Variants in ZNF804A observed in about 807,000 individuals in gnomAD.
ZNF804A encodes zinc finger protein 804A.
Under a neutral mutation model 16.5 loss-of-function variants are expected in ZNF804A, and 2 were observed. That is an observed-to-expected ratio of 0.12 (90% CI 0.05 to 0.38). The LOEUF (loss-of-function observed/expected upper bound fraction) is 0.38. ZNF804A is among the 10% of genes least tolerant of loss of function. The probability of loss-of-function intolerance (pLI) is 0.99; values close to 1 mark genes in which losing one functional copy is unlikely to be tolerated. For missense variants in ZNF804A, 1,473 were observed against 1,390.7 expected, an observed-to-expected ratio of 1.06 and a Z score of -0.94; for synonymous variants, 534 against 489.6, an observed-to-expected ratio of 1.09 and a Z score of -1.20.
chr2:184,678,712 A>AG (rs976837834), intron 1 of ZNF804A, among the ~76,000 whole-genome samples: 2 of 152,328 alleles, frequency 1.3e-5, no homozygotes, highest in African/African-American at 4.8e-5. Flanking sequence ...CCAAGGATAA[A>AG]TGTGTTGTCA....
chr2:184,864,058 G>A (rs577955307), intron 1 of ZNF804A, among the ~76,000 whole-genome samples: 26 of 152,196 alleles, frequency 1.7e-4, no homozygotes, highest in African/African-American at 6.3e-4. Flanking sequence ...CATTTGTGTT[G>A]TTCTAAAAGA....
At position 184,638,827 on chromosome 2, in the gene ZNF804A, G is replaced by A. The variant is rs144471071; in HGVS notation, c.111+39757G>A. The stretch of plus-strand genomic sequence containing the variant: ...AATTGATGCTTACCATACACCATTC[G>A]TATTTCCAAAGGCTACATGCTCACA... On this transcript the variant is annotated intron_variant, in intron 1 of 3. Coordinates refer to ENST00000302277, the MANE Select transcript of ZNF804A (RefSeq NM_194250.2). Among the ~76,000 whole-genome samples the A allele has an allele frequency of 2.0e-4, 31 of 152,136 alleles. No individual in the cohort carries two copies. The East Asian group carries it at 3.7e-3, about 18-fold the overall frequency.
chr2:184,683,598 C>T (rs1310246391), intron 1 of ZNF804A, among the ~76,000 whole-genome samples: 1 of 151,994 alleles, frequency 6.6e-6, no homozygotes, highest in African/African-American at 2.4e-5. Context: ...GCTTCAATAG[C>T]AAGAACAGTT....
intron 2 of ZNF804A, among the ~76,000 whole-genome samples, chr2:184,867,573 G>T (rs371714859): frequency 6.6e-6 from 1 of 152,012 alleles, no homozygotes; most frequent in Non-Finnish European, 1.5e-5. Context: ...ATACTTCACC[G>T]ATTAATGCAT....
At chr2:184,614,144 A>T (rs1393465060) in intron 1 of ZNF804A, among the ~76,000 whole-genome samples, 1 of 152,188 alleles carries the variant, frequency 6.6e-6, no homozygotes, top group Non-Finnish European at 1.5e-5. Context: ...ATCTACAACC[A>T]TCTGATCTTT....
At chr2:184,666,338 T>C (rs538651259) in intron 1 of ZNF804A, among the ~76,000 whole-genome samples, 4 of 152,212 alleles carry the variant, frequency 2.6e-5, no homozygotes, top group South Asian at 2.1e-4. Flanking sequence ...AACAGATTCA[T>C]TTCAAAGCCT....
intron 3 of ZNF804A, among the ~76,000 whole-genome samples, chr2:184,934,340 G>A (rs1685751508): frequency 6.6e-6 from 1 of 152,090 alleles, no homozygotes; most frequent in South Asian, 2.1e-4. Context: ...CCAGGGCAAA[G>A]TTATTAAAAG....
At chr2:184,855,565 A>G (rs1269463945) in intron 1 of ZNF804A, among the ~76,000 whole-genome samples, 1 of 151,722 alleles carries the variant, frequency 6.6e-6, no homozygotes, top group Non-Finnish European at 1.5e-5. Context: ...GAGTATATAT[A>G]GAGAAAGTAT....
At chr2:184,812,382 C>T (rs576124470) in intron 1 of ZNF804A, among the ~76,000 whole-genome samples, 2 of 152,078 alleles carry the variant, frequency 1.3e-5, no homozygotes, top group African/African-American at 2.4e-5. Flanking sequence ...AAAACAATTC[C>T]TTACAGTTTC....
chr2:184,691,944 C>T (rs1191224431), intron 1 of ZNF804A, among the ~76,000 whole-genome samples: 1 of 151,988 alleles, frequency 6.6e-6, no homozygotes, highest in African/African-American at 2.4e-5. Context: ...AGATCTTTTA[C>T]AATTGGTAAA....
chr2:184,645,337 A>G lies in ZNF804A; in HGVS notation c.111+46267A>G, dbSNP rs564700105. ...CATAGTTTTCTATTTTACATTGATG[A>G]TATATTGAAAATGTCTACAGTACAA... On this transcript the variant is annotated intron_variant, in intron 1 of 3. Transcript: ENST00000302277. Among the ~76,000 whole-genome samples, 9 of 152,210 alleles carry G rather than the reference A, an allele frequency of 5.9e-5. No individual in the cohort carries two copies. In the South Asian group the frequency reaches 6.2e-4, roughly 11 times the overall value.
intron 1 of ZNF804A, among the ~76,000 whole-genome samples, chr2:184,672,787 G>C (rs1692356815): frequency 6.6e-6 from 1 of 151,808 alleles, no homozygotes; most frequent in Admixed American, 6.6e-5. Context: ...TGTCACCCAG[G>C]CTGGAGTGCA....
At chr2:184,622,916 T>C (rs1048124864) in intron 1 of ZNF804A, among the ~76,000 whole-genome samples, 1 of 151,990 alleles carries the variant, frequency 6.6e-6, no homozygotes, top group African/African-American at 2.4e-5. Context: ...GATATGATAT[T>C]GCACTGAAAA....
chr2:184,698,449 A>G (rs1461429037), intron 1 of ZNF804A, among the ~76,000 whole-genome samples: 1 of 152,066 alleles, frequency 6.6e-6, no homozygotes, highest in Non-Finnish European at 1.5e-5. Context: ...CTGGAACATA[A>G]AGGCTCTTAT....
At chr2:184,872,277 T>C (rs1451947044) in intron 2 of ZNF804A, among the ~76,000 whole-genome samples, 2 of 152,130 alleles carry the variant, frequency 1.3e-5, no homozygotes, top group African/African-American at 2.4e-5. Flanking sequence ...ACATTCTTTT[T>C]AGGATTATAG....
chr2:184,790,137 A>G (rs759955246), intron 1 of ZNF804A, among the ~76,000 whole-genome samples: 4 of 150,864 alleles, frequency 2.7e-5, no homozygotes, highest in Non-Finnish European at 5.9e-5. Flanking sequence ...TAGATTTGAG[A>G]GTTCCCCTTG....
At chr2:184,602,936 A>G (rs1304813167) in intron 1 of ZNF804A, among the ~76,000 whole-genome samples, 1 of 152,092 alleles carries the variant, frequency 6.6e-6, no homozygotes. Context: ...GTTTGGTCGA[A>G]GGCACTTTAT....
chr2:184,722,916 T>G (rs1279943669), intron 1 of ZNF804A, among the ~76,000 whole-genome samples: 2 of 151,978 alleles, frequency 1.3e-5, no homozygotes, highest in African/African-American at 4.8e-5. Context: ...AGTTTAGGCT[T>G]CATTTAAAGT....
intron 1 of ZNF804A, among the ~76,000 whole-genome samples, chr2:184,754,782 T>G (rs1392128579): frequency 6.6e-6 from 1 of 151,912 alleles, no homozygotes; most frequent in East Asian, 1.9e-4. Flanking sequence ...TAAAAAAAAT[T>G]GTGTCTTATT....
Sources: allele counts gnomAD v4.1 joint callset (sites outside exome capture counted in the v4.1 genomes callset), GRCh38; gene constraint gnomAD v4.1.1; transcripts MANE v1.5; gene names NCBI Gene and HGNC (gene_info 2026-07-23, HGNC 2026-07-21).